Variants in EVC2 observed in about 807,000 individuals in gnomAD.
EVC2 encodes EvC ciliary complex subunit 2, also known as limbin.
In EVC2, 148 loss-of-function variants were observed where a neutral mutation model predicts 149.3. The observed-to-expected ratio is 0.99, with a 90% CI of 0.87 to 1.14. The LOEUF is 1.14. Among genes scored for constraint, EVC2 ranks in the 50% most tolerant of loss-of-function variants. The pLI is 0.00. For missense variants in EVC2, 1,854 were observed against 1,627.3 expected (o/e 1.14, Z -2.40); for synonymous variants, 776 against 649.9 (o/e 1.19, Z -2.95).
chr4:5,594,026 C>G (rs1456752701), intron 16 of EVC2, among the ~76,000 whole-genome samples: 1 of 152,174 alleles, frequency 6.6e-6, no homozygotes, highest in African/African-American at 2.4e-5. Flanking sequence ...GGAGGGGTGC[C>G]CGCCATTGCC....
Position 5,622,107 on chromosome 4 carries a change from T to C in EVC2, c.2501+430A>G, listed in dbSNP as rs554008818. On this transcript the variant is annotated intron_variant, in intron 14 of 21. Coordinates refer to ENST00000344408, the MANE Select transcript of EVC2 (RefSeq NM_147127.5). The surrounding 1 kb of genome is among the most constrained non-coding windows in gnomAD (Gnocchi z 5.8). ...CTGGTGAAACTAGCAGGGCCTGGAA[T>C]GGCCTAACCGCAAGCTCCCCTTCCC... Among the ~76,000 whole-genome samples the C allele has an allele frequency of 6.6e-6, 1 of 152,218 alleles. No individual in the cohort carries two copies. Among genetic ancestry groups the C allele is most frequent in the African/African-American group, 2.4e-5 (1 of 41,560 alleles).
At chr4:5,610,135 A>G (rs539822428) in intron 16 of EVC2, among the ~76,000 whole-genome samples, 5 of 152,300 alleles carry the variant, frequency 3.3e-5, no homozygotes, top group African/African-American at 1.2e-4. Flanking sequence ...TAGAGTGGAT[A>G]GATGGAAAGC....
Position 5,694,646 on chromosome 4 carries a change from T to C in EVC2, c.284-145A>G, listed in dbSNP as rs1180668650. ...AGTAAGTTAATGAAGGAATGAATGATATCATCTCTTTGCCAGGAAAATGAG... is the reference window on the plus strand; with the variant it reads ...AGTAAGTTAATGAAGGAATGAATGACATCATCTCTTTGCCAGGAAAATGAG... On this transcript the variant is annotated intron_variant, in intron 2 of 21. Coordinates refer to ENST00000344408, the MANE Select transcript of EVC2 (RefSeq NM_147127.5). 5.8e-6 allele frequency: 5 copies of C among 869,548 alleles called. No homozygotes were observed. The Admixed American group carries it at 8.3e-5, about 14-fold the overall frequency. 53.9% of individuals were successfully genotyped at this position (869,548 alleles called of 1,614,324 possible).
intron 16 of EVC2, among the ~76,000 whole-genome samples, chr4:5,587,119 G>A (rs1008349527): frequency 9.2e-5 from 14 of 152,064 alleles, no homozygotes; most frequent in African/African-American, 3.4e-4. Flanking sequence ...ATTTTCTATT[G>A]AAGTGAAATG....
intron 9 of EVC2, among the ~76,000 whole-genome samples, chr4:5,645,690 C>T (rs186042268): frequency 6.6e-6 from 1 of 152,144 alleles, no homozygotes; most frequent in African/African-American, 2.4e-5. Context: ...GATTCCATAT[C>T]TTTGCTATTG....
At position 5,625,919 on chromosome 4, in the gene EVC2, A is replaced by G; in HGVS notation, c.1887-11T>C. The G allele has an allele frequency of 3.1e-6, 5 of 1,613,798 alleles. No homozygotes were observed. The highest frequency in any genetic ancestry group is 4.2e-6 in the Non-Finnish European group (5 of 1,179,934). ...TCCAGGTACCCTGCTCTAGATGGAAAGGATGTAAAGTTAGGAATGTGGTCT... is the reference window on the plus strand; with the variant it reads ...TCCAGGTACCCTGCTCTAGATGGAAGGGATGTAAAGTTAGGAATGTGGTCT... On this transcript the variant is annotated splice_polypyrimidine_tract_variant and intron_variant, in intron 12 of 21. Transcript: ENST00000344408. This position sits in a 1 kb window ranked among gnomAD's most constrained non-coding sequence, Gnocchi z 4.0.
intron 11 of EVC2, among the ~76,000 whole-genome samples, chr4:5,630,242 C>T (rs1390988889): frequency 6.6e-6 from 1 of 152,148 alleles, no homozygotes; most frequent in Non-Finnish European, 1.5e-5. Flanking sequence ...CCTGGGATGG[C>T]CCTGATGTCT....
chr4:5,661,767 A>C (rs1191514006), intron 9 of EVC2, among the ~76,000 whole-genome samples: 1 of 152,198 alleles, frequency 6.6e-6, no homozygotes, highest in Non-Finnish European at 1.5e-5. Context: ...CAATGATTAA[A>C]AGCCTGGACC....
In EVC2 at chr4:5,708,206, G is replaced by C. The variant is rs1383294541; in HGVS notation, c.228+80C>G. 2.4e-6 allele frequency: 3 copies of C among 1,251,230 alleles called. No homozygotes were observed. In the African/African-American group the frequency reaches 4.8e-5, roughly 20 times the overall value. The allele number at this position is 1,251,230 out of a possible 1,614,324, so 77.5% of individuals were successfully genotyped here. On this transcript the variant is annotated intron_variant, in intron 1 of 21. Coordinates refer to ENST00000344408, the MANE Select transcript of EVC2 (RefSeq NM_147127.5). ...TTCCTCATTCTTTGCGAAATACTAAGGGTCCTCCCTGCCACCGCCGGTGTA... is the reference window on the plus strand; with the variant it reads ...TTCCTCATTCTTTGCGAAATACTAACGGTCCTCCCTGCCACCGCCGGTGTA...
At chr4:5,694,542 G>T (rs776604642) in intron 2 of EVC2, 41 bp from the exon 3 acceptor site, 1 of 1,611,974 alleles carries the variant, frequency 6.2e-7, no homozygotes, top group South Asian at 1.1e-5. Flanking sequence ...AATGCGGAAA[G>T]ACAGTAAGAC....
intron 8 of EVC2, 29 bp downstream of exon 8, chr4:5,665,486 C>T: frequency 6.2e-7 from 1 of 1,613,842 alleles, no homozygotes; most frequent in South Asian, 1.1e-5. Context: ...CATTCACCAC[C>T]TTCCAAACCA....
At chr4:5,617,052 T>C (rs984356329) in intron 15 of EVC2, among the ~76,000 whole-genome samples, 2 of 151,652 alleles carry the variant, frequency 1.3e-5, no homozygotes, top group Admixed American at 6.6e-5. Context: ...TTATTCTGTA[T>C]CTCCCACATC....
chr4:5,706,940 A>G (rs907367894), intron 1 of EVC2, among the ~76,000 whole-genome samples: 5 of 152,164 alleles, frequency 3.3e-5, no homozygotes, highest in African/African-American at 1.2e-4. Context: ...CCTTCCCAGT[A>G]GGCACCGTCC....
intron 16 of EVC2, among the ~76,000 whole-genome samples, chr4:5,609,369 G>A (rs1174661978): frequency 2.0e-5 from 3 of 152,122 alleles, no homozygotes; most frequent in Non-Finnish European, 2.9e-5. Flanking sequence ...CTGAACAACC[G>A]CCATGCAAGT....
rs137978141 is a variant in EVC2, at chr4:5,691,519, G to C, written c.451-186C>G. On this transcript the variant is annotated intron_variant, in intron 3 of 21. Coordinates refer to ENST00000344408, the MANE Select transcript of EVC2 (RefSeq NM_147127.5). The stretch of plus-strand genomic sequence containing the variant: ...GATTAGAAATTAAAACTTATGGAAA[G>C]AAGAATGTGGACATGAGCTTACACC... Among the ~76,000 whole-genome samples, 36 of 152,340 alleles carry C rather than the reference G, an allele frequency of 2.4e-4. No homozygotes were observed. In the East Asian group the frequency reaches 5.6e-3, roughly 24 times the overall value.
At chr4:5,591,408 C>T (rs966894285) in intron 16 of EVC2, among the ~76,000 whole-genome samples, 1 of 152,174 alleles carries the variant, frequency 6.6e-6, no homozygotes, top group African/African-American at 2.4e-5. Context: ...TTATTACATG[C>T]CTGCCATGCG....
At chr4:5,658,408 A>G (rs1018964030) in intron 9 of EVC2, among the ~76,000 whole-genome samples, 2 of 152,252 alleles carry the variant, frequency 1.3e-5, no homozygotes, top group African/African-American at 4.8e-5. Flanking sequence ...AAAGAGTAGT[A>G]GTTGTAAAAA....
At chr4:5,698,662 G>A (rs944072194) in intron 1 of EVC2, among the ~76,000 whole-genome samples, 3 of 152,212 alleles carry the variant, frequency 2.0e-5, no homozygotes, top group African/African-American at 7.2e-5. Flanking sequence ...TGAGTGAACT[G>A]TACAAGTAGT....
rs961763250 is a variant in EVC2 at position 5,637,530 on chromosome 4, A to G, written c.1470+2984T>C. 2.6e-5 allele frequency among the ~76,000 whole-genome samples: 4 copies of G among 152,224 alleles called. No homozygotes were observed. Among genetic ancestry groups the G allele is most frequent in the South Asian group, 4.1e-4 (2 of 4,826 alleles). On this transcript the variant is annotated intron_variant, in intron 10 of 21. Coordinates refer to ENST00000344408, the MANE Select transcript of EVC2 (RefSeq NM_147127.5). This position sits in a 1 kb window ranked among gnomAD's most constrained non-coding sequence, Gnocchi z 4.4. ...GAAGGATGAGCTGTTATTGTTACAC[A>G]TCGTATTTTTTAAGAGTATTTAATA...
Sources: gnomAD v4.1 joint callset for allele counts (sites outside exome capture counted in the v4.1 genomes callset) on GRCh38, gnomAD v4.1.1 for gene constraint, Gnocchi (gnomAD v3.1) non-coding constraint, MANE v1.5 for transcripts, NCBI Gene and HGNC (gene_info 2026-07-23, HGNC 2026-07-21) for gene names.